GRID2: variants seen among roughly 807,000 people sequenced by gnomAD.
The protein encoded by GRID2 is glutamate receptor ionotropic, delta-2.
A neutral mutation model predicts 114.8 loss-of-function variants in GRID2; 33 were observed. The ratio of observed to expected loss-of-function variants is 0.29; its 90% confidence interval spans 0.22 to 0.38. The LOEUF (loss-of-function observed/expected upper bound fraction) is 0.38. GRID2 is among the 10% of genes least tolerant of loss of function. GRID2 has a pLI of 1.00. For synonymous variants in GRID2, 505 were observed against 449.9 expected (o/e 1.12, Z -1.55); for missense variants, 1,184 against 1,257.7 (o/e 0.94, Z 0.89).
intron 2 of GRID2, among the ~76,000 whole-genome samples, chr4:92,900,351 T>C (rs974551617): frequency 1.3e-5 from 2 of 152,126 alleles, no homozygotes; most frequent in African/African-American, 4.8e-5. Flanking sequence ...GGCTTTTAAT[T>C]TACCTTCATC....
At chr4:93,111,461 G>A (rs1042758661) in intron 4 of GRID2, among the ~76,000 whole-genome samples, 3 of 152,160 alleles carry the variant, frequency 2.0e-5, no homozygotes, top group South Asian at 2.1e-4. Context: ...GTGATGACTA[G>A]TGTACATTTT....
intron 2 of GRID2, among the ~76,000 whole-genome samples, chr4:92,652,940 A>C (rs1732034301): frequency 7.2e-6 from 1 of 139,566 alleles, no homozygotes; most frequent in South Asian, 2.3e-4. Flanking sequence ...ATATATAAAC[A>C]TATATTTATA....
At chr4:93,594,365 C>CG (rs1368131433) in intron 13 of GRID2, among the ~76,000 whole-genome samples, 1 of 152,162 alleles carries the variant, frequency 6.6e-6, no homozygotes, top group African/African-American at 2.4e-5. Flanking sequence ...TTAGGCTGCT[C>CG]GGGGGTCAGG....
At chr4:92,650,314 A>G (rs1731864684) in intron 2 of GRID2, among the ~76,000 whole-genome samples, 1 of 151,952 alleles carries the variant, frequency 6.6e-6, no homozygotes, top group African/African-American at 2.4e-5. Context: ...TCCACTGGTC[A>G]TGGTTCTTTA....
chr4:92,891,137 G>C (rs529935170), intron 2 of GRID2, among the ~76,000 whole-genome samples: 9 of 152,040 alleles, frequency 5.9e-5, no homozygotes, highest in Non-Finnish European at 1.3e-4. Flanking sequence ...GCTAGGGGAG[G>C]GATAGCATTA....
intron 2 of GRID2, among the ~76,000 whole-genome samples, chr4:92,986,833 TC>T (rs1477970474): frequency 6.6e-6 from 1 of 152,166 alleles, no homozygotes; most frequent in African/African-American, 2.4e-5. Flanking sequence ...ATAAATAAAG[TC>T]CTTGTCCTCA....
chr4:93,656,857 A>T (rs13134813), intron 14 of GRID2, among the ~76,000 whole-genome samples: 3 of 93,802 alleles, frequency 3.2e-5, no homozygotes, highest in Non-Finnish European at 7.9e-5. Context: ...AAAAAAAAAA[A>T]CAAATAATTC....
Position 92,309,519 on chromosome 4 carries a change from A to AT in GRID2, c.88+4786dup, listed in dbSNP as rs796471689. 6.0e-4 allele frequency among the ~76,000 whole-genome samples: 88 copies of AT among 146,616 alleles called. No homozygotes were observed. The Middle Eastern group carries it at 0.011, about 18-fold the overall frequency. On this transcript the variant is annotated intron_variant, in intron 1 of 15. Transcript: ENST00000282020. ...TAGGTGTCACTGCATTCTGAGCTGTATTTTTTTTTTTAGTACTACTTGAAA... is the reference window on the plus strand; with the variant it reads ...TAGGTGTCACTGCATTCTGAGCTGTATTTTTTTTTTTTAGTACTACTTGAAA...
chr4:93,183,925 A>G (rs942090147), intron 4 of GRID2, among the ~76,000 whole-genome samples: 5 of 152,216 alleles, frequency 3.3e-5, no homozygotes, highest in African/African-American at 4.8e-5. Flanking sequence ...ACCTTACACT[A>G]TATCAGTTCT....
At chr4:92,585,459 C>T (rs937858246) in intron 1 of GRID2, among the ~76,000 whole-genome samples, 38 of 151,846 alleles carry the variant, frequency 2.5e-4, no homozygotes, top group African/African-American at 7.5e-4. Flanking sequence ...TGAAATCCAA[C>T]GAAATATTTA....
At chr4:93,185,477 T>C (rs144297152) in intron 4 of GRID2, among the ~76,000 whole-genome samples, 1 of 152,314 alleles carries the variant, frequency 6.6e-6, no homozygotes, top group African/African-American at 2.4e-5. Context: ...TGCATACACA[T>C]GACAAGGTCA....
At chr4:93,497,538 A>G (rs1462764728) in intron 12 of GRID2, among the ~76,000 whole-genome samples, 1 of 151,842 alleles carries the variant, frequency 6.6e-6, no homozygotes, top group Non-Finnish European at 1.5e-5. Context: ...AATTTTGTAT[A>G]AAGTGCAACG....
At chr4:92,440,386 C>T (rs909286626) in intron 1 of GRID2, among the ~76,000 whole-genome samples, 1 of 149,658 alleles carries the variant, frequency 6.7e-6, no homozygotes, top group Non-Finnish European at 1.5e-5. Flanking sequence ...CTTCTCAGAC[C>T]CTGTAGGAAA....
intron 11 of GRID2, among the ~76,000 whole-genome samples, chr4:93,476,763 A>G (rs1232995354): frequency 6.6e-6 from 1 of 152,160 alleles, no homozygotes; most frequent in African/African-American, 2.4e-5. Flanking sequence ...CTGGGAGTCA[A>G]TAAGTGTTTG....
At chr4:92,990,958 C>T (rs1754864984) in intron 2 of GRID2, among the ~76,000 whole-genome samples, 1 of 152,130 alleles carries the variant, frequency 6.6e-6, no homozygotes, top group Non-Finnish European at 1.5e-5. Context: ...AACAAAATTA[C>T]TATTATGAAA....
intron 2 of GRID2, among the ~76,000 whole-genome samples, chr4:92,687,520 G>A (rs765425498): frequency 1.3e-4 from 19 of 151,986 alleles, no homozygotes; most frequent in Non-Finnish European, 2.6e-4. Flanking sequence ...ATAAAATGTA[G>A]ATATATTATT....
At chr4:93,420,218 T>G (rs1768128258) in intron 9 of GRID2, among the ~76,000 whole-genome samples, 1 of 152,196 alleles carries the variant, frequency 6.6e-6, no homozygotes, top group South Asian at 2.1e-4. Flanking sequence ...TACATGCTTC[T>G]GCTGCCATCA....
At chr4:93,414,147 C>A (rs1388872581) in intron 9 of GRID2, among the ~76,000 whole-genome samples, 1 of 152,128 alleles carries the variant, frequency 6.6e-6, no homozygotes, top group African/African-American at 2.4e-5. Context: ...ATCAGCTCTA[C>A]CTTCAAAAAT....
At chr4:93,475,402 T>G (rs1168661761) in intron 11 of GRID2, among the ~76,000 whole-genome samples, 1 of 152,124 alleles carries the variant, frequency 6.6e-6, no homozygotes, top group Non-Finnish European at 1.5e-5. Flanking sequence ...GTTAAATGAT[T>G]CCCTTTTTCT....
Sources: gnomAD v4.1 joint callset for allele counts (sites outside exome capture counted in the v4.1 genomes callset) on GRCh38, gnomAD v4.1.1 for gene constraint, MANE v1.5 for transcripts, NCBI Gene and HGNC (gene_info 2026-07-23, HGNC 2026-07-21) for gene names.